CLVS1: variants seen among roughly 807,000 people sequenced by gnomAD.
CLVS1 encodes clavesin 1.
Under a neutral mutation model 33.1 loss-of-function variants are expected in CLVS1, and 10 were observed. The ratio of observed to expected loss-of-function variants is 0.30; its 90% CI spans 0.19 to 0.51. The LOEUF is 0.51. Among genes scored for constraint, CLVS1 ranks in the 20% least tolerant of loss-of-function variants. The pLI is 0.97. For synonymous variants in CLVS1, 163 were observed against 166.1 expected, an observed-to-expected ratio of 0.98 and a Z score of 0.14; for missense variants, 343 against 433.4, an observed-to-expected ratio of 0.79 and a Z score of 1.85.
intron 1 of CLVS1, among the ~76,000 whole-genome samples, chr8:61,118,856 G>A (rs538171203): frequency 8.5e-5 from 13 of 152,162 alleles, no homozygotes; most frequent in Non-Finnish European, 1.6e-4. Flanking sequence ...CTGTTGATTT[G>A]GGGTGGAGAG....
At chr8:61,484,633 C>G (rs898445359) in intron 5 of CLVS1, among the ~76,000 whole-genome samples, 1 of 152,192 alleles carries the variant, frequency 6.6e-6, no homozygotes, top group African/African-American at 2.4e-5. Flanking sequence ...ACCACATTGC[C>G]AAGACAATCC....
At chr8:61,416,574 C>G (rs1585940988) in intron 3 of CLVS1, among the ~76,000 whole-genome samples, 1 of 152,184 alleles carries the variant, frequency 6.6e-6, no homozygotes, top group East Asian at 1.9e-4. Flanking sequence ...AGAGAAACAC[C>G]CAAGAAGTGC....
At chr8:60,997,846 C>T in the CLVS1 span, among the ~76,000 whole-genome samples, 1 of 152,164 alleles carries the variant, frequency 6.6e-6, no homozygotes, top group South Asian at 2.1e-4. Flanking sequence ...TACAGGATCA[C>T]CTTGAATAAC....
intron 2 of CLVS1, among the ~76,000 whole-genome samples, chr8:61,349,346 A>G (rs999098475): frequency 6.6e-6 from 1 of 152,146 alleles, no homozygotes; most frequent in African/African-American, 2.4e-5. Context: ...TTAAAAAATA[A>G]TAATTTTTCA....
chr8:61,158,407 A>G (rs1273762335), intron 2 of CLVS1, among the ~76,000 whole-genome samples: 1 of 152,192 alleles, frequency 6.6e-6, no homozygotes, highest in Non-Finnish European at 1.5e-5. Context: ...TGGACAGTAC[A>G]TTTAAGATCT....
At chr8:61,305,981 A>T (rs914588335) in intron 2 of CLVS1, among the ~76,000 whole-genome samples, 1 of 152,138 alleles carries the variant, frequency 6.6e-6, no homozygotes, top group African/African-American at 2.4e-5. Context: ...TGCTACTGTG[A>T]ATAGTGCTGC....
intron 1 of CLVS1, among the ~76,000 whole-genome samples, chr8:61,072,315 C>A (rs891967891): frequency 6.6e-6 from 1 of 152,166 alleles, no homozygotes; most frequent in Non-Finnish European, 1.5e-5. Context: ...CAACACTCAT[C>A]CATGAAGATG....
chr8:61,391,726 A>AG (rs1474438820), intron 3 of CLVS1, among the ~76,000 whole-genome samples: 1 of 152,184 alleles, frequency 6.6e-6, no homozygotes, highest in African/African-American at 2.4e-5. Context: ...ATTATGAATG[A>AG]CTTTTTTCAC....
In CLVS1 at chr8:61,499,967, C is replaced by T. The variant is rs1331637697; in HGVS notation, c.*425C>T. On this transcript the variant is annotated 3_prime_UTR_variant, in exon 6 of 6. Coordinates refer to ENST00000325897, the MANE Select transcript of CLVS1 (RefSeq NM_173519.3). The stretch of plus-strand genomic sequence containing the variant: ...GTATCAGAGTTAAACTGTACAGACA[C>T]CACTGTCAAGTTTCATGTAGTACAA... 1 of 159,498 alleles carries T rather than the reference C, an allele frequency of 6.3e-6. No individual in the cohort carries two copies. Among genetic ancestry groups the T allele is most frequent in the Non-Finnish European group, 1.4e-5 (1 of 71,672 alleles). 9.9% of individuals were successfully genotyped at this position (159,498 alleles called of 1,614,324 possible). A position where few individuals can be genotyped will look rare whatever the true frequency, so the allele number is the denominator to read the frequency against.
intron 2 of CLVS1, among the ~76,000 whole-genome samples, chr8:61,262,643 A>T (rs997385651): frequency 1.3e-5 from 2 of 152,212 alleles, no homozygotes; most frequent in Non-Finnish European, 2.9e-5. Context: ...CTGGAAAGAT[A>T]GAGATTAGGC....
intron 2 of CLVS1, among the ~76,000 whole-genome samples, chr8:61,276,953 C>A (rs1019839489): frequency 2.6e-5 from 4 of 152,172 alleles, no homozygotes; most frequent in African/African-American, 7.2e-5. Flanking sequence ...CAAATTTTTC[C>A]TTTGATGCCT....
chr8:61,371,006 T>C (rs1425089060), intron 2 of CLVS1, among the ~76,000 whole-genome samples: 1 of 152,180 alleles, frequency 6.6e-6, no homozygotes, highest in Non-Finnish European at 1.5e-5. Flanking sequence ...TTCCTCTGAG[T>C]AGATACTCAG....
chr8:61,057,340 T>A (rs1360310686), intron 1 of CLVS1: 1 of 151,188 alleles, frequency 6.6e-6, no homozygotes, highest in Non-Finnish European at 1.5e-5. Flanking sequence ...TTTCTATTGA[T>A]TGAGCCTGGC....
chr8:60,993,400 T>C, the CLVS1 span, among the ~76,000 whole-genome samples: 1 of 152,168 alleles, frequency 6.6e-6, no homozygotes, highest in East Asian at 1.9e-4. Flanking sequence ...TTTCAGACAG[T>C]GGGAAGGAAA....
chr8:60,978,243 A>G, the CLVS1 span, among the ~76,000 whole-genome samples: 2 of 152,264 alleles, frequency 1.3e-5, no homozygotes, highest in East Asian at 1.9e-4. Context: ...GTAGCTACAT[A>G]GGTAAATATG....
chr8:61,062,895 A>G (rs1804605738), intron 1 of CLVS1, among the ~76,000 whole-genome samples: 1 of 152,224 alleles, frequency 6.6e-6, no homozygotes, highest in Non-Finnish European at 1.5e-5. Flanking sequence ...AAATTACCCA[A>G]TACTATGTTA....
intron 1 of CLVS1, among the ~76,000 whole-genome samples, chr8:61,293,063 T>C (rs1046936917): frequency 1.3e-5 from 2 of 152,150 alleles, no homozygotes; most frequent in Non-Finnish European, 2.9e-5. Context: ...GAGCAAATGA[T>C]TGTGTGCTTC....
At chr8:61,005,204 G>C in the CLVS1 span, among the ~76,000 whole-genome samples, 12 of 152,176 alleles carry the variant, frequency 7.9e-5, no homozygotes, top group Non-Finnish European at 1.6e-4. Context: ...ATCCAGCATG[G>C]AGCAGCCCAA....
intron 2 of CLVS1, among the ~76,000 whole-genome samples, chr8:61,343,295 T>TAAG (rs1206994858): frequency 2.0e-5 from 3 of 152,248 alleles, no homozygotes; most frequent in African/African-American, 7.2e-5. Context: ...AAGTTCTAGC[T>TAAG]AAGTATTAGA....
Sources: gnomAD v4.1 joint callset for allele counts (sites outside exome capture counted in the v4.1 genomes callset) on GRCh38, gnomAD v4.1.1 for gene constraint, MANE v1.5 for transcripts, NCBI Gene and HGNC (gene_info 2026-07-23, HGNC 2026-07-21) for gene names.